FRMPD4: variants seen among roughly 807,000 people sequenced by gnomAD.
FRMPD4 encodes the protein FERM and PDZ domain containing 4.
Under a neutral mutation model 94.1 loss-of-function variants are expected in FRMPD4, and 22 were observed. The ratio of observed to expected loss-of-function variants is 0.23; its 90% confidence interval spans 0.17 to 0.33. The LOEUF is 0.33. Ranked by LOEUF, FRMPD4 falls within the 10% of genes least tolerant of loss-of-function variation. FRMPD4 has a pLI of 1.00. For missense variants in FRMPD4, 1,111 were observed against 1,339.9 expected, an observed-to-expected ratio of 0.83 and a Z score of 2.67; for synonymous variants, 631 against 548.6, an observed-to-expected ratio of 1.15 and a Z score of -2.10.
intron 1 of FRMPD4, among the ~76,000 whole-genome samples, chrX:11,844,153 A>ATT (rs35079439): frequency 0.049 from 4,429 of 91,138 alleles, 170 homozygotes; most frequent in East Asian, 0.23. Context: ...ACACCCAGCT[A>ATT]TTTTTTTTTT....
At chrX:12,612,336 T>C (rs922239164) in intron 3 of FRMPD4, among the ~76,000 whole-genome samples, 2 of 111,968 alleles carry the variant, frequency 1.8e-5, no homozygotes, top group Non-Finnish European at 3.8e-5. Context: ...TCTTACACAA[T>C]TTTGAGAAGA....
intron 3 of FRMPD4, among the ~76,000 whole-genome samples, chrX:11,906,555 G>C (rs1393311501): frequency 9.0e-6 from 1 of 111,205 alleles, no homozygotes; most frequent in Admixed American, 9.5e-5. Context: ...CTGCCATCTA[G>C]CCTCCATTAC....
At chrX:12,097,667 A>G (rs1362699727) in intron 3 of FRMPD4, among the ~76,000 whole-genome samples, 1 of 112,536 alleles carries the variant, frequency 8.9e-6, no homozygotes, top group African/African-American at 3.2e-5. Context: ...ATGCAACTGG[A>G]ATAATGCAAT....
At chrX:12,327,810 G>A (rs990660949) in intron 1 of FRMPD4, among the ~76,000 whole-genome samples, 4 of 109,112 alleles carry the variant, frequency 3.7e-5, no homozygotes, top group Non-Finnish European at 7.6e-5. Flanking sequence ...AAAAAAAAAC[G>A]ATTACATCTA....
intron 3 of FRMPD4, among the ~76,000 whole-genome samples, chrX:11,961,811 A>C (rs2054285079): frequency 8.9e-6 from 1 of 111,809 alleles, no homozygotes; most frequent in Non-Finnish European, 1.9e-5. Flanking sequence ...CAAACACCCA[A>C]ACTGTAGAGG....
chrX:11,906,237 T>C (rs1050241176), intron 3 of FRMPD4, among the ~76,000 whole-genome samples: 2 of 109,783 alleles, frequency 1.8e-5, no homozygotes, highest in African/African-American at 6.6e-5. Flanking sequence ...AAGCTCCACC[T>C]GCTGGGTTCA....
chrX:12,463,681 G>GGTTTTTT (rs2057415576), intron 1 of FRMPD4, among the ~76,000 whole-genome samples: 1 of 51,046 alleles, frequency 2.0e-5, no homozygotes, highest in Non-Finnish European at 3.4e-5. Context: ...CTATGTGTGT[G>GGTTTTTT]TTTTTTTTTT....
intron 1 of FRMPD4, among the ~76,000 whole-genome samples, chrX:12,308,197 C>A (rs975266486): frequency 2.7e-5 from 3 of 111,691 alleles, no homozygotes; most frequent in Non-Finnish European, 5.6e-5. Flanking sequence ...TCATTAACAT[C>A]CACCTTGTAT....
At chrX:12,285,703 G>A (rs758469571) in intron 1 of FRMPD4, among the ~76,000 whole-genome samples, 2 of 112,004 alleles carry the variant, frequency 1.8e-5, no homozygotes, top group African/African-American at 6.5e-5. Context: ...TTATGGGAAA[G>A]CATTTGAATA....
At chrX:12,407,654 G>A (rs947541928) in intron 1 of FRMPD4, among the ~76,000 whole-genome samples, 1 of 112,181 alleles carries the variant, frequency 8.9e-6, no homozygotes, top group Non-Finnish European at 1.9e-5. Context: ...CAATTCATAG[G>A]TCAGTAGACT....
intron 2 of FRMPD4, among the ~76,000 whole-genome samples, chrX:11,867,607 C>A (rs1287197322): frequency 1.8e-5 from 2 of 111,911 alleles, no homozygotes; most frequent in Non-Finnish European, 3.8e-5. Context: ...TAATTTCTTT[C>A]TATTTTTTTA....
intron 1 of FRMPD4, among the ~76,000 whole-genome samples, chrX:12,354,520 T>A (rs191546679): frequency 8.9e-6 from 1 of 112,399 alleles, no homozygotes; most frequent in African/African-American, 3.2e-5. Flanking sequence ...TTCATTTTCA[T>A]GGTTTCATGG....
chrX:12,241,225 G>A (rs1244184963), intron 1 of FRMPD4, among the ~76,000 whole-genome samples: 2 of 112,151 alleles, frequency 1.8e-5, no homozygotes, highest in Non-Finnish European at 3.8e-5. Flanking sequence ...AGATTTATCT[G>A]TTTTGGCTTA....
At chrX:12,217,589 G>A (rs759856656) in intron 1 of FRMPD4, among the ~76,000 whole-genome samples, 2 of 112,233 alleles carry the variant, frequency 1.8e-5, no homozygotes, top group African/African-American at 3.2e-5. Flanking sequence ...TTTCATTACA[G>A]TTCATCTCAG....
chrX:11,891,653 A>G (rs1008500400), intron 3 of FRMPD4, among the ~76,000 whole-genome samples: 4 of 112,014 alleles, frequency 3.6e-5, no homozygotes, highest in African/African-American at 1.3e-4. Flanking sequence ...CTGTGTTATC[A>G]TGTTCCTTGG....
chrX:12,234,862 GA>G (rs2057054311), intron 1 of FRMPD4, among the ~76,000 whole-genome samples: 2 of 111,860 alleles, frequency 1.8e-5, no homozygotes, highest in African/African-American at 6.5e-5. Context: ...GATCAGGAGT[GA>G]AAACAGCCTC....
intron 2 of FRMPD4, among the ~76,000 whole-genome samples, chrX:12,527,476 T>A (rs1175448883): frequency 9.7e-6 from 1 of 103,322 alleles, no homozygotes; most frequent in Admixed American, 1.1e-4. Context: ...ACAGCAGAGA[T>A]CTGAGTTACA....
intron 1 of FRMPD4, among the ~76,000 whole-genome samples, chrX:12,231,118 C>T (rs192518490): frequency 0.021 from 1,740 of 83,282 alleles, 53 homozygotes; most frequent in African/African-American, 0.067. Context: ...GGTATGGTCA[C>T]GGCTCACTGC....
intron 1 of FRMPD4, among the ~76,000 whole-genome samples, chrX:12,391,922 G>A (rs1395867219): frequency 8.9e-6 from 1 of 111,794 alleles, no homozygotes; most frequent in Non-Finnish European, 1.9e-5. Context: ...GGCCAGCTTT[G>A]TCAAATAAAA....
Sources: gnomAD v4.1 joint callset for allele counts (sites outside exome capture counted in the v4.1 genomes callset) on GRCh38, gnomAD v4.1.1 for gene constraint, MANE v1.5 for transcripts, NCBI Gene and HGNC (gene_info 2026-07-23, HGNC 2026-07-21) for gene names.